Variants in LIMCH1 observed in about 807,000 individuals in gnomAD.
LIMCH1 encodes the protein LIM and calponin homology domains-containing protein 1.
Under a neutral mutation model 176.5 loss-of-function variants are expected in LIMCH1, and 113 were observed. The ratio of observed to expected loss-of-function variants is 0.64; its 90% CI spans 0.55 to 0.75. LIMCH1 has a LOEUF of 0.75. Ranked by LOEUF, LIMCH1 falls within the 30% of genes least tolerant of loss-of-function variation. LIMCH1 has a pLI of 0.00. For synonymous variants in LIMCH1, 619 were observed against 645.9 expected (o/e 0.96, Z 0.63); for missense variants, 1,674 against 1,814.9 (o/e 0.92, Z 1.41).
intron 1 of LIMCH1, among the ~76,000 whole-genome samples, chr4:41,541,524 G>T (rs2078648601): frequency 6.6e-6 from 1 of 152,330 alleles, no homozygotes; most frequent in African/African-American, 2.4e-5. Context: ...AGCAGTACCT[G>T]CCCTTCACAC....
intron 1 of LIMCH1, among the ~76,000 whole-genome samples, chr4:41,579,276 A>G (rs1308378773): frequency 6.6e-6 from 1 of 152,166 alleles, no homozygotes; most frequent in Non-Finnish European, 1.5e-5. Context: ...CTGTTCCGTA[A>G]GAGTCTGGCC....
intron 18 of LIMCH1, among the ~76,000 whole-genome samples, chr4:41,656,184 G>A (rs887324713): frequency 1.3e-5 from 2 of 152,148 alleles, no homozygotes; most frequent in Non-Finnish European, 2.9e-5. Context: ...CAGTACTTAT[G>A]TTTTCTGATC....
chr4:41,399,161 G>T (rs759426359), intron 1 of LIMCH1, among the ~76,000 whole-genome samples: 31 of 152,126 alleles, frequency 2.0e-4, no homozygotes, highest in Non-Finnish European at 4.4e-5. Context: ...AAGTAAGGAG[G>T]TTGATTTTCA....
intron 24 of LIMCH1, 80 bp from the exon 25 acceptor site, chr4:41,680,875 A>G: frequency 1.4e-6 from 1 of 724,874 alleles, no homozygotes; most frequent in Non-Finnish European, 2.3e-6. Flanking sequence ...TTTTTTCTAA[A>G]GTGCCTTAAT....
At chr4:41,609,363 T>C (rs1239190477) in intron 4 of LIMCH1, among the ~76,000 whole-genome samples, 1 of 152,158 alleles carries the variant, frequency 6.6e-6, no homozygotes, top group African/African-American at 2.4e-5. Context: ...TGTTGATTTT[T>C]CTGGAATGTT....
At chr4:41,472,581 G>A (rs2067136560) in intron 1 of LIMCH1, among the ~76,000 whole-genome samples, 1 of 151,926 alleles carries the variant, frequency 6.6e-6, no homozygotes, top group Admixed American at 6.6e-5. Context: ...CACCACACCT[G>A]GCTAATTTTT....
chr4:41,414,708 A>G (rs761385869), intron 1 of LIMCH1, among the ~76,000 whole-genome samples: 13 of 152,200 alleles, frequency 8.5e-5, no homozygotes, highest in Non-Finnish European at 1.8e-4. Flanking sequence ...TAGAATGCCA[A>G]TTTCAAATTT....
intron 1 of LIMCH1, among the ~76,000 whole-genome samples, chr4:41,589,886 C>T (rs1295754705): frequency 6.6e-6 from 1 of 152,062 alleles, no homozygotes; most frequent in African/African-American, 2.4e-5. Flanking sequence ...TAGAGTGCTC[C>T]CAGTTTATTT....
At chr4:41,585,815 T>A (rs1299643039) in intron 1 of LIMCH1, among the ~76,000 whole-genome samples, 3 of 152,204 alleles carry the variant, frequency 2.0e-5, no homozygotes, top group African/African-American at 7.2e-5. Context: ...CTCAGACTGA[T>A]ACGTGATTCT....
At chr4:41,491,739 GGC>G (rs1412020569) in intron 1 of LIMCH1, among the ~76,000 whole-genome samples, 5 of 148,950 alleles carry the variant, frequency 3.4e-5, no homozygotes, top group African/African-American at 1.2e-4. Context: ...GGGGCGGCCA[GGC>G]AGAGGCGCTC....
rs541354747 is a variant in LIMCH1, at chr4:41,626,439, G to C, written c.726-269G>C. 6.6e-5 allele frequency among the ~76,000 whole-genome samples: 10 copies of C among 152,228 alleles called. No individual in the cohort carries two copies. The East Asian group carries it at 1.7e-3, about 26-fold the overall frequency. On this transcript the variant is annotated intron_variant, in intron 7 of 31. Coordinates refer to ENST00000503057, the MANE Select transcript of LIMCH1 (RefSeq NM_001330672.2). ...CAAAGAATCTGCACTGTCACTTTCA[G>C]AGCCATTTAGGATCCTGCTTTTCTG... is the stretch of plus-strand genomic sequence containing the variant.
intron 1 of LIMCH1, among the ~76,000 whole-genome samples, chr4:41,364,147 T>C (rs945792888): frequency 3.9e-5 from 6 of 152,178 alleles, no homozygotes; most frequent in Admixed American, 2.0e-4. Context: ...AGAGTTATTA[T>C]TGAGAGCATC....
At chr4:41,385,582 GA>G (rs1303387580) in intron 1 of LIMCH1, among the ~76,000 whole-genome samples, 5 of 152,068 alleles carry the variant, frequency 3.3e-5, no homozygotes, top group Non-Finnish European at 7.4e-5. Context: ...AAATGTTCCA[GA>G]AAGGAAAGCA....
intron 1 of LIMCH1, among the ~76,000 whole-genome samples, chr4:41,411,671 A>G (rs1204998088): frequency 1.7e-5 from 2 of 116,328 alleles, no homozygotes; most frequent in African/African-American, 5.1e-5. Flanking sequence ...GGGAAAAAAA[A>G]AAGGATAGGC....
intron 2 of LIMCH1, among the ~76,000 whole-genome samples, chr4:41,516,276 G>A (rs1012508149): frequency 5.3e-5 from 8 of 152,180 alleles, no homozygotes; most frequent in African/African-American, 9.6e-5. Flanking sequence ...GAAGGATCCC[G>A]GCCAGAGCCA....
At chr4:41,530,058 A>G (rs2077089917) in intron 3 of LIMCH1, among the ~76,000 whole-genome samples, 2 of 152,248 alleles carry the variant, frequency 1.3e-5, no homozygotes, top group Non-Finnish European at 2.9e-5. Context: ...TTTAGACTTT[A>G]GGAAGCTTTC....
chr4:41,593,287 G>A (rs1485816134), intron 1 of LIMCH1, among the ~76,000 whole-genome samples: 1 of 152,208 alleles, frequency 6.6e-6, no homozygotes, highest in Non-Finnish European at 1.5e-5. Context: ...ATAAACAGTG[G>A]TATAAATTCA....
intron 3 of LIMCH1, among the ~76,000 whole-genome samples, chr4:41,529,659 T>C (rs896934117): frequency 8.5e-5 from 13 of 152,238 alleles, no homozygotes; most frequent in African/African-American, 3.1e-4. Flanking sequence ...ACATATACAC[T>C]GTTCCCAGTT....
intron 1 of LIMCH1, among the ~76,000 whole-genome samples, chr4:41,381,577 T>C (rs533076375): frequency 2.0e-5 from 3 of 152,296 alleles, no homozygotes; most frequent in East Asian, 3.9e-4. Flanking sequence ...TCCTGACTCC[T>C]TGGATTCGGG....
Sources: gnomAD v4.1 joint callset for allele counts (sites outside exome capture counted in the v4.1 genomes callset) on GRCh38, gnomAD v4.1.1 for gene constraint, MANE v1.5 for transcripts, NCBI Gene and HGNC (gene_info 2026-07-23, HGNC 2026-07-21) for gene names.